The following ZNF536 variants were observed in gnomAD, a reference collection of about 807,000 sequenced individuals.
The protein encoded by ZNF536 is zinc finger protein 536.
ZNF536 carries 13 observed loss-of-function variants against 84.5 expected under a neutral mutation model. The ratio of observed to expected loss-of-function variants is 0.15; its 90% CI spans 0.10 to 0.24. ZNF536 has a LOEUF of 0.24. ZNF536 is among the 10% of genes least tolerant of loss of function. ZNF536 has a pLI of 1.00. For missense variants in ZNF536, 1,536 were observed against 1,747.5 expected (o/e 0.88, Z 2.16); for synonymous variants, 811 against 742.5 (o/e 1.09, Z -1.50).
chr19:30,321,318 C>T (rs1453961831), intron 2 of ZNF536, among the ~76,000 whole-genome samples: 5 of 152,154 alleles, frequency 3.3e-5, no homozygotes, highest in African/African-American at 9.7e-5. Context: ...GCACTTTAGG[C>T]GGCCGAGGTG....
chr19:30,503,789 C>T (rs1183222751), intron 2 of ZNF536, among the ~76,000 whole-genome samples: 1 of 152,122 alleles, frequency 6.6e-6, no homozygotes, highest in African/African-American at 2.4e-5. Context: ...TTGCCTCCCT[C>T]TATTTTTCTG....
chr19:30,396,893 C>A (rs2049845936), intron 1 of ZNF536, among the ~76,000 whole-genome samples: 1 of 152,186 alleles, frequency 6.6e-6, no homozygotes, highest in Non-Finnish European at 1.5e-5. Context: ...GCGTGAACCA[C>A]CGTGCCCAGC....
chr19:30,551,397 G>A (rs1031540898), intron 4 of ZNF536, among the ~76,000 whole-genome samples: 2 of 152,186 alleles, frequency 1.3e-5, no homozygotes, highest in Non-Finnish European at 1.5e-5. Context: ...GGAGCCTGCC[G>A]GGTCTTGAGA....
At position 30,426,247 on chromosome 19, in the gene ZNF536, A is replaced by C. The variant is rs79194572; in HGVS notation, c.-2-17314A>C. Reference sequence around the variant, plus strand: ...GGCAATAAAATATCTGCTGTTTATGAGTAATTAGCCACTTCTGGAAAAGAA... The same window carrying C: ...GGCAATAAAATATCTGCTGTTTATGCGTAATTAGCCACTTCTGGAAAAGAA... On this transcript the variant is annotated intron_variant, in intron 1 of 4. Coordinates refer to ENST00000355537, the MANE Select transcript of ZNF536 (RefSeq NM_014717.3). Among the ~76,000 whole-genome samples, 721 of 152,336 alleles carry C rather than the reference A, an allele frequency of 4.7e-3. 6 individuals carry two copies. The highest frequency in any genetic ancestry group is 0.016 in the African/African-American group (684 of 41,562).
At chr19:30,361,405 AG>A (rs2048271222) in intron 3 of ZNF536, among the ~76,000 whole-genome samples, 1 of 149,920 alleles carries the variant, frequency 6.7e-6, no homozygotes, top group Non-Finnish European at 1.5e-5. Context: ...TGGAAACAAA[AG>A]CTTTATGTCA....
chr19:30,431,337 C>A (rs1182013257), intron 1 of ZNF536, among the ~76,000 whole-genome samples: 9 of 152,186 alleles, frequency 5.9e-5, no homozygotes, highest in Non-Finnish European at 1.3e-4. Context: ...GGACCAAGGG[C>A]CCAGCCCAGC....
chr19:30,373,666 G>T (rs1458403985), intron 1 of ZNF536, among the ~76,000 whole-genome samples: 1 of 152,210 alleles, frequency 6.6e-6, no homozygotes, highest in Non-Finnish European at 1.5e-5. Context: ...GCACACCTGG[G>T]TCTGACAAAG....
intron 1 of ZNF536, among the ~76,000 whole-genome samples, chr19:30,702,860 G>T (rs1315766034): frequency 6.6e-6 from 1 of 152,130 alleles, no homozygotes; most frequent in African/African-American, 2.4e-5. Context: ...CACCGTGCTG[G>T]GTGGTGAGTA....
chr19:30,639,926 C>T (rs1276606767), intron 1 of ZNF536, among the ~76,000 whole-genome samples: 1 of 152,190 alleles, frequency 6.6e-6, no homozygotes, highest in Non-Finnish European at 1.5e-5. Flanking sequence ...TTTGATAACT[C>T]TATTACACCT....
downstream of ZNF536, among the ~76,000 whole-genome samples, chr19:30,558,983 C>T (rs1033268971): frequency 6.6e-6 from 1 of 152,202 alleles, no homozygotes; most frequent in African/African-American, 2.4e-5. Flanking sequence ...CGCAACAGGA[C>T]AATTGCATCA....
At chr19:30,542,823 TTTTCTAGAGACAGGGTCTCACTC>T (rs1184173752) in intron 3 of ZNF536, among the ~76,000 whole-genome samples, 1 of 152,160 alleles carries the variant, frequency 6.6e-6, no homozygotes, top group East Asian at 1.9e-4. Flanking sequence ...CACTTTTCTT[TTTTCTAGAGACAGGGTCTCACTC>T]TATCCCCCAG....
In ZNF536 at chr19:30,478,803, T is replaced by C. The variant is rs138781053; in HGVS notation, c.2170+33071T>C. 1.2e-3 allele frequency among the ~76,000 whole-genome samples: 180 copies of C among 152,322 alleles called. 2 individuals are homozygous for C. Among genetic ancestry groups the C allele is most frequent in the African/African-American group, 4.3e-3 (177 of 41,560 alleles). On this transcript the variant is annotated intron_variant, in intron 2 of 4. Coordinates refer to ENST00000355537, the MANE Select transcript of ZNF536 (RefSeq NM_014717.3). ...GTATAGCTTCGAGTCTTGAGCCTTGTCTGCTTTTCTTATTCTGTGCCCATC... is the reference window on the plus strand; with the variant it reads ...GTATAGCTTCGAGTCTTGAGCCTTGCCTGCTTTTCTTATTCTGTGCCCATC...
intron 3 of ZNF536, among the ~76,000 whole-genome samples, chr19:30,353,267 G>T (rs1216288792): frequency 6.6e-6 from 1 of 152,198 alleles, no homozygotes; most frequent in African/African-American, 2.4e-5. Context: ...AGAAGCAAGG[G>T]TCTGGGGCTC....
intron 1 of ZNF536, among the ~76,000 whole-genome samples, chr19:30,434,312 G>A (rs543958605): frequency 5.3e-4 from 80 of 152,260 alleles, no homozygotes; most frequent in African/African-American, 1.5e-3. Context: ...ACATTTCTCC[G>A]TCTGCAGTGC....
At chr19:30,457,227 C>A (rs1033357317) in intron 2 of ZNF536, among the ~76,000 whole-genome samples, 8 of 152,148 alleles carry the variant, frequency 5.3e-5, no homozygotes, top group African/African-American at 1.9e-4. Flanking sequence ...GGGCAAGGAA[C>A]CACTTCAATT....
intron 1 of ZNF536, among the ~76,000 whole-genome samples, chr19:30,277,549 C>T (rs1048394838): frequency 4.6e-5 from 7 of 152,204 alleles, no homozygotes; most frequent in Middle Eastern, 3.2e-3. Flanking sequence ...CAGCCCTACG[C>T]GCTCTGTGTT....
intron 1 of ZNF536, among the ~76,000 whole-genome samples, chr19:30,599,156 ACCCT>A (rs2047583645): frequency 2.6e-5 from 1 of 37,858 alleles, no homozygotes; most frequent in Non-Finnish European, 5.0e-5. Flanking sequence ...TCCCTCCCTC[ACCCT>A]TCCCTCTTTC....
At chr19:30,592,852 C>T (rs2047322798) in intron 1 of ZNF536, among the ~76,000 whole-genome samples, 1 of 152,188 alleles carries the variant, frequency 6.6e-6, no homozygotes, top group Non-Finnish European at 1.5e-5. Flanking sequence ...TAGCGCATTT[C>T]TCACTTAGGT....
intron 1 of ZNF536, among the ~76,000 whole-genome samples, chr19:30,657,503 C>T (rs1001107767): frequency 6.6e-6 from 1 of 152,216 alleles, no homozygotes; most frequent in African/African-American, 2.4e-5. Flanking sequence ...CCGACAACGT[C>T]TTGATCTTTC....
Sources: gnomAD v4.1 joint callset for allele counts (sites outside exome capture counted in the v4.1 genomes callset) on GRCh38, gnomAD v4.1.1 for gene constraint, MANE v1.5 for transcripts, NCBI Gene and HGNC (gene_info 2026-07-23, HGNC 2026-07-21) for gene names.